The following SUPT3H variants were observed in gnomAD, a reference collection of about 807,000 sequenced individuals.
SUPT3H encodes the protein transcription initiation protein SPT3 homolog.
SUPT3H carries 44 observed loss-of-function variants against 44.3 expected under a neutral mutation model. That is an observed-to-expected ratio of 0.99 (90% confidence interval 0.78 to 1.28). The LOEUF (loss-of-function observed/expected upper bound fraction) is 1.28. Among genes scored for constraint, SUPT3H ranks in the 50% most tolerant of loss-of-function variants. The pLI is 0.00. For missense variants in SUPT3H, 380 were observed against 387.1 expected, an observed-to-expected ratio of 0.98 and a Z score of 0.15; for synonymous variants, 124 against 125.6, an observed-to-expected ratio of 0.99 and a Z score of 0.09.
chr6:45,252,873 G>A (rs752874572), intron 2 of SUPT3H, among the ~76,000 whole-genome samples: 1 of 151,982 alleles, frequency 6.6e-6, no homozygotes, highest in Non-Finnish European at 1.5e-5. Flanking sequence ...CAAGAAAAAA[G>A]CATTCCTATG....
chr6:45,138,500 T>A (rs1804672555), intron 2 of SUPT3H, among the ~76,000 whole-genome samples: 1 of 152,154 alleles, frequency 6.6e-6, no homozygotes, highest in Admixed American at 6.5e-5. Context: ...GGCACGTCCA[T>A]ACAATGGAAT....
At chr6:44,908,091 G>T (rs1444907189) in intron 10 of SUPT3H, among the ~76,000 whole-genome samples, 2 of 151,248 alleles carry the variant, frequency 1.3e-5, no homozygotes, top group South Asian at 2.1e-4. Flanking sequence ...TGTGTCCAAA[G>T]AATTTAATTT....
Position 45,181,466 on chromosome 6 carries a change from C to G in SUPT3H, c.102-75460G>C, listed in dbSNP as rs532570009. 1.1e-4 allele frequency among the ~76,000 whole-genome samples: 16 copies of G among 152,012 alleles called. No individual in the cohort carries two copies. The East Asian group carries it at 1.2e-3, about 11-fold the overall frequency. ...CAATAGCATAGATTTGGAACCAACC[C>G]AAATGTCCAACAATGATAGACTGGA... On this transcript the variant is annotated intron_variant, in intron 2 of 10. Transcript: ENST00000371459.
At chr6:45,101,114 T>C (rs1180660077) in intron 3 of SUPT3H, among the ~76,000 whole-genome samples, 1 of 152,214 alleles carries the variant, frequency 6.6e-6, no homozygotes, top group African/African-American at 2.4e-5. Context: ...TATCACATGT[T>C]CTCACTGATA....
At chr6:45,223,658 G>GCAAA (rs1766434712) in intron 2 of SUPT3H, among the ~76,000 whole-genome samples, 1 of 151,640 alleles carries the variant, frequency 6.6e-6, no homozygotes, top group Non-Finnish European at 1.5e-5. Flanking sequence ...ATAAACTAAA[G>GCAAA]CTAAGTTGCA....
chr6:45,154,082 A>AT, intron 2 of SUPT3H, among the ~76,000 whole-genome samples: 1 of 140,032 alleles, frequency 7.1e-6, no homozygotes, highest in Non-Finnish European at 1.5e-5. Flanking sequence ...GAAAAAAAAA[A>AT]AAAAAAGCGC....
At chr6:44,953,451 A>G (rs200657338) in intron 8 of SUPT3H, 34 bp from the exon 9 acceptor site, 1 of 1,560,552 alleles carries the variant, frequency 6.4e-7, no homozygotes, top group East Asian at 2.2e-5. Context: ...TCACATAGCT[A>G]GAAATAATCA....
chr6:45,016,473 T>C (rs1431108734), intron 4 of SUPT3H, among the ~76,000 whole-genome samples: 1 of 146,520 alleles, frequency 6.8e-6, no homozygotes, highest in African/African-American at 2.5e-5. Flanking sequence ...ATTAGGTATA[T>C]CTCATGCTAA....
At chr6:45,014,172 T>C (rs963391185) in intron 5 of SUPT3H, among the ~76,000 whole-genome samples, 12 of 152,084 alleles carry the variant, frequency 7.9e-5, no homozygotes, top group Admixed American at 3.3e-4. Flanking sequence ...TAAGTTTTAG[T>C]GTGCTTTTTG....
intron 2 of SUPT3H, among the ~76,000 whole-genome samples, chr6:45,113,827 CA>C (rs374606230): frequency 0.03 from 3,418 of 112,712 alleles, 54 homozygotes; most frequent in South Asian, 0.1. Flanking sequence ...AAGACTCCAT[CA>C]AAAAAAAAAA....
Position 44,948,523 on chromosome 6 carries a change from A to T in SUPT3H, c.801+4787T>A, listed in dbSNP as rs554938411. 4.6e-5 allele frequency among the ~76,000 whole-genome samples: 7 copies of T among 152,284 alleles called. No homozygotes were observed. In the South Asian group the frequency reaches 1.2e-3, roughly 27 times the overall value. On this transcript the variant is annotated intron_variant, in intron 9 of 10. Transcript: ENST00000371459. ...AAGGGCTAATATCCAGAATCTACAA[A>T]GAACTTAAACAAATTTACAAGAAAA...
At chr6:45,212,088 C>T (rs1764188102) in intron 2 of SUPT3H, among the ~76,000 whole-genome samples, 2 of 152,046 alleles carry the variant, frequency 1.3e-5, no homozygotes, top group Admixed American at 1.3e-4. Flanking sequence ...ATTCCTTGAA[C>T]CCGGGAGGCA....
At chr6:44,969,811 A>T (rs1338957412) in intron 6 of SUPT3H, among the ~76,000 whole-genome samples, 1 of 152,142 alleles carries the variant, frequency 6.6e-6, no homozygotes, top group Non-Finnish European at 1.5e-5. Flanking sequence ...AGTGGTGCTA[A>T]TTTGTTTCCC....
At chr6:44,894,198 T>C (rs1383705096) in intron 10 of SUPT3H, among the ~76,000 whole-genome samples, 2 of 140,052 alleles carry the variant, frequency 1.4e-5, no homozygotes, top group Non-Finnish European at 3.1e-5. Flanking sequence ...TGGCAGTTTC[T>C]TTTGCTGTGC....
At chr6:44,950,120 AG>A (rs1451664576) in intron 9 of SUPT3H, among the ~76,000 whole-genome samples, 8 of 152,192 alleles carry the variant, frequency 5.3e-5, no homozygotes, top group African/African-American at 1.4e-4. Context: ...AAATAGTTGA[AG>A]ACTTATCTTT....
intron 3 of SUPT3H, among the ~76,000 whole-genome samples, chr6:45,052,178 C>A (rs1486447268): frequency 6.6e-6 from 1 of 152,064 alleles, no homozygotes; most frequent in South Asian, 2.1e-4. Flanking sequence ...TGAAGAGAGT[C>A]GGTGATAGAA....
chr6:45,156,097 C>CA (rs971816981), intron 2 of SUPT3H, among the ~76,000 whole-genome samples: 2 of 151,970 alleles, frequency 1.3e-5, no homozygotes, highest in African/African-American at 4.8e-5. Flanking sequence ...TAGCTTGTCA[C>CA]AAAAAAACAG....
At chr6:45,071,394 T>A (rs1459664362) in intron 3 of SUPT3H, among the ~76,000 whole-genome samples, 1 of 152,166 alleles carries the variant, frequency 6.6e-6, no homozygotes. Context: ...TATTTTCCTG[T>A]CTTTTTTTGC....
Position 44,826,802 on chromosome 6 carries a change from A to ATTAT in SUPT3H, c.*3010_*3013dup, listed in dbSNP as rs1339532147. On this transcript the variant is annotated 3_prime_UTR_variant, in exon 11 of 11. Transcript: ENST00000371459. ...TAAAAGCATCAGACATGGCTTGTTTATTATTTTATAAAAACAAAGAACAGC... is the reference window on the plus strand; with the variant it reads ...TAAAAGCATCAGACATGGCTTGTTTATTATTTATTTTATAAAAACAAAGAACAGC... 1.3e-5 allele frequency among the ~76,000 whole-genome samples: 2 copies of ATTAT among 152,134 alleles called. No homozygotes were observed. The highest frequency in any genetic ancestry group is 1.9e-4 in the East Asian group (1 of 5,202).
Sources: allele counts gnomAD v4.1 joint callset (sites outside exome capture counted in the v4.1 genomes callset), GRCh38; gene constraint gnomAD v4.1.1; transcripts MANE v1.5; gene names NCBI Gene and HGNC (gene_info 2026-07-23, HGNC 2026-07-21).